Variants in ZNF263 observed in about 807,000 individuals in gnomAD.
ZNF263 encodes the protein zinc finger protein FPM315.
A neutral mutation model predicts 63.1 loss-of-function variants in ZNF263; 49 were observed. The ratio of observed to expected loss-of-function variants is 0.78; its 90% CI spans 0.62 to 0.99. ZNF263 has a LOEUF of 0.99. Among genes scored for constraint, ZNF263 ranks in the 50% least tolerant of loss-of-function variants. The pLI is 0.00. For missense variants in ZNF263, 872 were observed against 854.8 expected (o/e 1.02, Z -0.25); for synonymous variants, 352 against 324.2 (o/e 1.09, Z -0.92).
rs774843797 is a variant in ZNF263, at chr16:3,284,010, G to A, written c.192G>A (p.Glu64=). The A allele has an allele frequency of 1.9e-6, 3 of 1,613,794 alleles. No individual in the cohort carries two copies. The African/African-American group carries it at 4.0e-5, about 22-fold the overall frequency. The stretch of plus-strand genomic sequence containing the variant: ...GGGAAGCCCTCAGCCGGCTCCAAGA[G>A]CTTTGCCATGGGTGGCTTCGGCCTG... ...GPREALSRLQ[E]LCHGWLRPEM... is the part of the protein sequence containing the mutation. The change falls in exon 1 of 6, where the codon GAG becomes GAA. Residue 64 remains glutamate (E), a synonymous_variant. Coordinates refer to ENST00000219069, the MANE Select transcript of ZNF263 (RefSeq NM_005741.5).
chr16:3,295,646 C>CT (rs1959724322), downstream of ZNF263, among the ~76,000 whole-genome samples: 1 of 152,250 alleles, frequency 6.6e-6, no homozygotes, highest in Non-Finnish European at 1.5e-5. Context: ...GGGAGGCCCA[C>CT]GAAGTGTCTG....
Position 3,283,999 on chromosome 16 carries a change from C to T in ZNF263, c.181C>T (p.Arg61Trp). The T allele has an allele frequency of 1.9e-6, 3 of 1,613,916 alleles. No individual in the cohort carries two copies. The highest frequency in any genetic ancestry group is 1.7e-4 in the Middle Eastern group (1 of 6,058). ...AGCTGGTCCCCGGGAAGCCCTCAGC[C>T]GGCTCCAAGAGCTTTGCCATGGGTG... ...EAAGPREALS[R>W]LQELCHGWLR... Residue 61 changes from arginine (R) to tryptophan (W), a missense_variant, in exon 1 of 6, where the codon CGG becomes TGG. Transcript: ENST00000219069.
chr16:3,295,597 G>A (rs1290778265), downstream of ZNF263, among the ~76,000 whole-genome samples: 1 of 152,374 alleles, frequency 6.6e-6, no homozygotes, highest in African/African-American at 2.4e-5. Context: ...CCAGGAAAGC[G>A]CGGGGCCGCC....
Position 3,283,985 on chromosome 16 carries a change from G to A in ZNF263, c.167G>A (p.Arg56Gln), listed in dbSNP as rs1448301642. 10 of 1,613,826 alleles carry A rather than the reference G, an allele frequency of 6.2e-6. No homozygotes were observed. Among genetic ancestry groups the A allele is most frequent in the Non-Finnish European group, 8.5e-6 (10 of 1,179,998 alleles). ...CGCTTCCAAGAGGCAGCTGGTCCCC[G>A]GGAAGCCCTCAGCCGGCTCCAAGAG... is the stretch of plus-strand genomic sequence containing the variant. ...RFRFQEAAGP[R>Q]EALSRLQELC... Residue 56 changes from arginine (R) to glutamine (Q), a missense_variant, in exon 1 of 6, where the codon CGG (arginine) becomes CAG (glutamine). By Grantham distance (43) the Arg-to-Gln change is conservative. Transcript: ENST00000219069.
chr16:3,288,293 A>G (rs1216351837), intron 4 of ZNF263, among the ~76,000 whole-genome samples, 161 bp from the exon 5 acceptor site: 2 of 151,526 alleles, frequency 1.3e-5, no homozygotes, highest in Non-Finnish European at 2.9e-5. Flanking sequence ...TTCTTTCTCT[A>G]GAGGTATCCA....
chr16:3,295,052 C>G (rs548931160), downstream of ZNF263, among the ~76,000 whole-genome samples: 13 of 152,190 alleles, frequency 8.5e-5, no homozygotes, highest in Non-Finnish European at 1.9e-4. Flanking sequence ...GCACCCGGCG[C>G]AAGTGTGAGT....
At chr16:3,287,468 C>A (rs956465061) in intron 4 of ZNF263, among the ~76,000 whole-genome samples, 2 of 132,968 alleles carry the variant, frequency 1.5e-5, no homozygotes, top group African/African-American at 2.8e-5. Flanking sequence ...TGCTCTGGAA[C>A]TTCTGGGCTC....
chr16:3,300,325 G>A (rs1223622404), intron 2 of ZNF263: 9 of 1,614,058 alleles, frequency 5.6e-6, no homozygotes, highest in African/African-American at 2.7e-5. Flanking sequence ...GCCTCTTACC[G>A]GAACACCGGC....
chr16:3,299,703 A>G (rs1300027456), intron 2 of ZNF263: 2 of 1,537,530 alleles, frequency 1.3e-6, no homozygotes, highest in Non-Finnish European at 8.7e-7. Context: ...TTAGGGATTC[A>G]GAGGAAGGAT....
intron 1 of ZNF263, among the ~76,000 whole-genome samples, chr16:3,298,283 TC>T (rs1959821091): frequency 6.6e-6 from 1 of 152,238 alleles, no homozygotes; most frequent in Non-Finnish European, 1.5e-5. Flanking sequence ...TAAATCTGTT[TC>T]CTTATGTATT....
chr16:3,296,498 G>T (rs1959749031), intron 1 of ZNF263, among the ~76,000 whole-genome samples: 1 of 152,064 alleles, frequency 6.6e-6, no homozygotes, highest in African/African-American at 2.4e-5. Context: ...ACCCCAGCTT[G>T]CAGTCATTAT....
chr16:3,286,070 G>A lies in ZNF263; in HGVS notation c.690G>A (p.Glu230=), dbSNP rs777587073. 6.2e-6 allele frequency: 10 copies of A among 1,612,878 alleles called. No homozygotes were observed. The East Asian group carries it at 2.2e-4, about 36-fold the overall frequency. The stretch of plus-strand genomic sequence containing the variant: ...TGGCAATGTACATCTCCCAGGAGGA[G>A]TGGGGGCATCAGGATCCTAGTAAGA... ...EDVAMYISQE[E]WGHQDPSKRA... is the part of the protein sequence containing the mutation. The change falls in exon 4 of 6, where the codon GAG becomes GAA. Residue 230 remains glutamate (E), a synonymous_variant. Transcript: ENST00000219069.
At chr16:3,296,372 G>A (rs1959745414), downstream of ZNF263, among the ~76,000 whole-genome samples, 1 of 152,160 alleles carries the variant, frequency 6.6e-6, no homozygotes, top group Non-Finnish European at 1.5e-5. Flanking sequence ...GCTGCCCAGA[G>A]TCCTCATCTG....
intron 2 of ZNF263, chr16:3,299,535 C>T (rs966205108): frequency 1.3e-6 from 2 of 1,526,512 alleles, no homozygotes. Context: ...CTTTCTCTTG[C>T]TCATCATCAC....
At chr16:3,295,676 T>C (rs1247351493), downstream of ZNF263, among the ~76,000 whole-genome samples, 1 of 152,240 alleles carries the variant, frequency 6.6e-6, no homozygotes. Context: ...GCTCCCCTTT[T>C]TGTTTTAGTT....
At chr16:3,286,219 C>T in intron 4 of ZNF263, 70 bp downstream of exon 4, 2 of 1,511,182 alleles carry the variant, frequency 1.3e-6, no homozygotes, top group Non-Finnish European at 8.8e-7. Flanking sequence ...TATTCATTCA[C>T]CTCCTGGACA....
intron 2 of ZNF263, 82 bp from the exon 3 acceptor site, chr16:3,285,599 G>A (rs1287966729): frequency 1.4e-6 from 2 of 1,400,172 alleles, no homozygotes; most frequent in Non-Finnish European, 2.0e-6. Context: ...TGGGTGTTGG[G>A]GAATGGATAC....
intron 3 of ZNF263, 117 bp downstream of exon 3, chr16:3,285,871 T>C (rs1959333304): frequency 6.6e-7 from 1 of 1,523,232 alleles, no homozygotes; most frequent in Non-Finnish European, 9.1e-7. Context: ...CCCCCACTGC[T>C]TTGTCTATTT....
At chr16:3,285,443 A>C (rs535704841) in intron 2 of ZNF263, among the ~76,000 whole-genome samples, 2 of 152,234 alleles carry the variant, frequency 1.3e-5, no homozygotes, top group Admixed American at 1.3e-4. Context: ...GCCCTTTTTT[A>C]TGCAGAACAG....
Sources: allele counts gnomAD v4.1 joint callset (sites outside exome capture counted in the v4.1 genomes callset), GRCh38; gene constraint gnomAD v4.1.1; transcripts MANE v1.5; gene names NCBI Gene and HGNC (gene_info 2026-07-23, HGNC 2026-07-21).